Variants in CDC42BPA observed in about 807,000 individuals in gnomAD.
The protein encoded by CDC42BPA is CDC42 binding protein kinase alpha, also known as serine/threonine-protein kinase MRCK alpha.
Under a neutral mutation model 223.5 loss-of-function variants are expected in CDC42BPA, and 80 were observed. The ratio of observed to expected loss-of-function variants is 0.36; its 90% CI spans 0.30 to 0.43. The LOEUF (loss-of-function observed/expected upper bound fraction) is 0.43, where lower values mean the gene tolerates loss of function less well. Among genes scored for constraint, CDC42BPA ranks in the 20% least tolerant of loss-of-function variants. The pLI is 1.00. For synonymous variants in CDC42BPA, 694 were observed against 718.6 expected, an observed-to-expected ratio of 0.97 and a Z score of 0.55; for missense variants, 1,743 against 2,099.9, an observed-to-expected ratio of 0.83 and a Z score of 3.32.
chr1:227,259,476 G>A (rs774701003), intron 1 of CDC42BPA, among the ~76,000 whole-genome samples: 13 of 151,028 alleles, frequency 8.6e-5, no homozygotes, highest in Admixed American at 2.0e-4. Flanking sequence ...CCTTATTCCC[G>A]GTGTTCTGGC....
chr1:227,224,557 C>T (rs1676517753), intron 2 of CDC42BPA, among the ~76,000 whole-genome samples: 1 of 152,064 alleles, frequency 6.6e-6, no homozygotes, highest in Non-Finnish European at 1.5e-5. Flanking sequence ...CATCTTTCAC[C>T]ACCACCAACA....
chr1:227,028,624 A>G (rs1186627483), intron 30 of CDC42BPA, 33 bp downstream of exon 30: 1 of 1,372,006 alleles, frequency 7.3e-7, no homozygotes, highest in Admixed American at 2.2e-5. Context: ...AAGAGATATA[A>G]AGATAAGACA....
At chr1:227,024,226 T>G (rs1667854470) in intron 31 of CDC42BPA, among the ~76,000 whole-genome samples, 2 of 152,110 alleles carry the variant, frequency 1.3e-5, no homozygotes, top group Admixed American at 1.3e-4. Flanking sequence ...ACAAAAGACT[T>G]TCAACTACAC....
At chr1:227,111,057 T>C (rs954199688) in intron 14 of CDC42BPA, among the ~76,000 whole-genome samples, 7 of 152,220 alleles carry the variant, frequency 4.6e-5, no homozygotes, top group African/African-American at 1.7e-4. Flanking sequence ...GTTGGAAATA[T>C]ACAGATTTGC....
At position 227,317,314 on chromosome 1, in the gene CDC42BPA, G is replaced by T; in HGVS notation, c.-132C>A. ...ATTCAAACAACTGTCATGCAATGCT[G>T]GTGCTGAATTAAACATCCAACACAC... On this transcript the variant is annotated 5_prime_UTR_variant, in exon 1 of 37. Transcript: ENST00000366766. 1 of 916,608 alleles carries T rather than the reference G, an allele frequency of 1.1e-6. No individual in the cohort carries two copies. The highest frequency in any genetic ancestry group is 1.6e-6 in the Non-Finnish European group (1 of 622,268). The allele number at this position is 916,608 out of a possible 1,614,324, so 56.8% of individuals were successfully genotyped here.
intron 1 of CDC42BPA, among the ~76,000 whole-genome samples, chr1:227,315,553 A>G (rs960791166): frequency 6.0e-5 from 9 of 151,240 alleles, no homozygotes; most frequent in Admixed American, 6.6e-5. Flanking sequence ...TTCCAACTCT[A>G]AAAGTACCAA....
intron 1 of CDC42BPA, among the ~76,000 whole-genome samples, chr1:227,286,074 C>A (rs956218519): frequency 2.6e-5 from 4 of 152,174 alleles, no homozygotes; most frequent in African/African-American, 9.7e-5. Flanking sequence ...CACTTACCTA[C>A]CTTTTCATCA....
At chr1:227,267,752 C>A (rs976683610) in intron 1 of CDC42BPA, among the ~76,000 whole-genome samples, 1 of 152,184 alleles carries the variant, frequency 6.6e-6, no homozygotes, top group African/African-American at 2.4e-5. Flanking sequence ...GGCAATGCCA[C>A]TTTTAAAACC....
At chr1:227,208,383 T>G (rs575286612) in intron 3 of CDC42BPA, among the ~76,000 whole-genome samples, 60 of 136,520 alleles carry the variant, frequency 4.4e-4, no homozygotes, top group African/African-American at 1.0e-3. Flanking sequence ...GTCAATTTTG[T>G]CTTTTGTTGC....
At chr1:227,125,835 G>A (rs750525375) in intron 11 of CDC42BPA, among the ~76,000 whole-genome samples, 2 of 151,932 alleles carry the variant, frequency 1.3e-5, no homozygotes, top group Non-Finnish European at 2.9e-5. Flanking sequence ...AATCCATGTT[G>A]CTCAAGGATC....
intron 21 of CDC42BPA, among the ~76,000 whole-genome samples, chr1:227,052,480 T>C (rs1673720770): frequency 6.6e-6 from 1 of 152,180 alleles, no homozygotes; most frequent in African/African-American, 2.4e-5. Context: ...TCCCTTTATT[T>C]TGCATCAGTA....
Position 226,994,580 on chromosome 1 carries a change from C to T in CDC42BPA, c.5134-181G>A, listed in dbSNP as rs1661211399. 6.6e-6 allele frequency among the ~76,000 whole-genome samples: 1 copy of T among 152,190 alleles called. No individual in the cohort carries two copies. The highest frequency in any genetic ancestry group is 2.4e-5 in the African/African-American group (1 of 41,446). ...GAGGCACGGAACATACAAGCTCCGT[C>T]CTTTCTGTAGGCCTTTACAGATGAT... On this transcript the variant is annotated intron_variant, in intron 36 of 36. Transcript: ENST00000366766. The surrounding 1 kb of genome is among the most constrained non-coding windows in gnomAD (Gnocchi z 4.0).
At chr1:227,299,817 G>A (rs1691308015) in intron 1 of CDC42BPA, among the ~76,000 whole-genome samples, 1 of 152,214 alleles carries the variant, frequency 6.6e-6, no homozygotes, top group East Asian at 1.9e-4. Context: ...TCTCATACAA[G>A]GAAGCAAAGT....
intron 23 of CDC42BPA, among the ~76,000 whole-genome samples, chr1:227,046,107 A>G (rs1395037968): frequency 6.6e-6 from 1 of 151,994 alleles, no homozygotes; most frequent in Non-Finnish European, 1.5e-5. Flanking sequence ...CGTATCCCTG[A>G]TCTTTTTCCT....
chr1:227,159,331 A>T (rs934814806), intron 6 of CDC42BPA, among the ~76,000 whole-genome samples: 4 of 152,148 alleles, frequency 2.6e-5, no homozygotes, highest in African/African-American at 9.7e-5. Context: ...TACAAAAAAT[A>T]CAAAAATTAG....
At chr1:227,245,125 C>A (rs1264289392) in intron 2 of CDC42BPA, among the ~76,000 whole-genome samples, 1 of 152,106 alleles carries the variant, frequency 6.6e-6, no homozygotes, top group East Asian at 1.9e-4. Flanking sequence ...TAGGCAACTC[C>A]TAGTGCTTAG....
chr1:227,243,127 A>T (rs183041410), intron 2 of CDC42BPA, among the ~76,000 whole-genome samples: 1 of 152,330 alleles, frequency 6.6e-6, no homozygotes, highest in African/African-American at 2.4e-5. Context: ...AATGATGAGT[A>T]CACATGGACA....
chr1:227,074,008 A>G lies in CDC42BPA; in HGVS notation c.2591T>C (p.Met864Thr). ...NSSLGTRATDMPWKMRRFAKL... is the reference protein window; with the variant it reads ...NSSLGTRATDTPWKMRRFAKL... ...CGCAAAACGACGCATTTTCCAGGGC[A>G]TATCCTATGAAATAATGACTGTGTT... Residue 864 changes from methionine to threonine, a missense_variant, in exon 19 of 37, where the codon ATG (methionine) becomes ACG (threonine). By Grantham distance (81) the Met-to-Thr change is moderately conservative (BLOSUM62 -1). Coordinates refer to ENST00000366766, the MANE Select transcript of CDC42BPA (RefSeq NM_001394014.1). The G allele has an allele frequency of 1.2e-6, 2 of 1,609,724 alleles. No individual in the cohort carries two copies. The highest frequency in any genetic ancestry group is 1.7e-6 in the Non-Finnish European group (2 of 1,178,926).
intron 2 of CDC42BPA, among the ~76,000 whole-genome samples, chr1:227,247,682 C>T (rs1681228486): frequency 6.6e-6 from 1 of 150,566 alleles, no homozygotes; most frequent in Admixed American, 6.6e-5. Context: ...GTCAGGAGTT[C>T]GAGACCAGCC....
Sources: gnomAD v4.1 joint callset for allele counts (sites outside exome capture counted in the v4.1 genomes callset) on GRCh38, gnomAD v4.1.1 for gene constraint, Gnocchi (gnomAD v3.1) non-coding constraint, MANE v1.5 for transcripts, NCBI Gene and HGNC (gene_info 2026-07-23, HGNC 2026-07-21) for gene names.